The following CEP57 variants were observed in gnomAD, a reference collection of about 807,000 sequenced individuals.
CEP57 encodes centrosomal protein of 57 kDa.
A neutral mutation model predicts 68.0 loss-of-function variants in CEP57; 40 were observed. That is an observed-to-expected ratio of 0.59 (90% CI 0.46 to 0.77). The LOEUF (loss-of-function observed/expected upper bound fraction) is 0.77. CEP57 is among the 30% of genes least tolerant of loss of function. The pLI, the probability that CEP57 is intolerant of heterozygous loss-of-function variation, is 0.00. For missense variants in CEP57, 606 were observed against 580.7 expected (o/e 1.04, Z -0.45); for synonymous variants, 219 against 198.7 (o/e 1.10, Z -0.86).
chr11:95,822,643 C>A, intron 8 of CEP57, 67 bp downstream of exon 8: 1 of 1,079,654 alleles, frequency 9.3e-7, no homozygotes, highest in South Asian at 1.2e-5. Flanking sequence ...CCTGCATCTG[C>A]AAGTATGTCT....
chr11:95,807,508 G>A (rs552000720), intron 2 of CEP57, among the ~76,000 whole-genome samples: 4 of 152,232 alleles, frequency 2.6e-5, no homozygotes, highest in African/African-American at 7.2e-5. Flanking sequence ...AATAAACAGC[G>A]TAGAGAAGAC....
At chr11:95,830,706 C>T (rs1862963306) in intron 10 of CEP57, among the ~76,000 whole-genome samples, 2 of 152,010 alleles carry the variant, frequency 1.3e-5, no homozygotes, top group Non-Finnish European at 2.9e-5. Flanking sequence ...TCCTTCAACT[C>T]CCCTTGTTTC....
At chr11:95,815,330 G>T (rs1369307570) in intron 4 of CEP57, 1 of 152,106 alleles carries the variant, frequency 6.6e-6, no homozygotes, top group Non-Finnish European at 1.5e-5. Flanking sequence ...TTTCATTTGG[G>T]TCTTTTTCCA....
chr11:95,818,803 C>G, intron 5 of CEP57, 24 bp from the exon 6 acceptor site: 1 of 1,584,056 alleles, frequency 6.3e-7, no homozygotes, highest in Non-Finnish European at 8.7e-7. Context: ...TCACCTTTAT[C>G]CCTTTTGACA....
Position 95,813,027 on chromosome 11 carries a change from G to C in CEP57, c.298G>C (p.Glu100Gln), listed in dbSNP as rs1380276335. The C allele has an allele frequency of 1.9e-6, 3 of 1,613,786 alleles. No individual in the cohort carries two copies. In the African/African-American group the frequency reaches 4.0e-5, roughly 22 times the overall value. The change falls in exon 3 of 11, where the codon GAA becomes CAA. Residue 100 changes from glutamate (E) to glutamine (Q), a missense_variant. Transcript: ENST00000325542. The part of the protein sequence containing the change: ...AEESVKTLSR[E>Q]TIEYKKVLDE... ...AGAAAGTGTGAAAACCTTGTCTAGA[G>C]AAACAATTGAATATAAGAAAGTACT...
At chr11:95,807,507 C>T (rs60613987) in intron 2 of CEP57, among the ~76,000 whole-genome samples, 9,926 of 152,132 alleles carry the variant, frequency 0.065, 411 homozygotes, top group Middle Eastern at 0.13. Context: ...GAATAAACAG[C>T]GTAGAGAAGA....
In CEP57 at chr11:95,827,834, C is replaced by G; in HGVS notation, c.934C>G (p.His312Asp). 6.2e-7 allele frequency: 1 copy of G among 1,614,102 alleles called. No homozygotes were observed. Among genetic ancestry groups the G allele is most frequent in the Non-Finnish European group, 8.5e-7 (1 of 1,179,998 alleles). The change falls in exon 9 of 11, where the codon CAT (histidine) becomes GAT (aspartate). Residue 312 changes from histidine to aspartate, a missense_variant. Transcript: ENST00000325542. ...GGTAGCCAATGTTCAGCTTGTCTTG[C>G]ATCTAATGAAGCAACACAGTAAAGC... ...AVVANVQLVL[H>D]LMKQHSKALC...
chr11:95,811,710 CA>C (rs1367354281), intron 2 of CEP57, among the ~76,000 whole-genome samples: 1 of 151,338 alleles, frequency 6.6e-6, no homozygotes, highest in Non-Finnish European at 1.5e-5. Context: ...GAAAAATGGG[CA>C]AAGGAAATTC....
At chr11:95,807,105 C>T (rs757479205) in intron 2 of CEP57, among the ~76,000 whole-genome samples, 4 of 152,148 alleles carry the variant, frequency 2.6e-5, no homozygotes, top group South Asian at 2.1e-4. Flanking sequence ...CCCAGGCAAA[C>T]GGTCTGGAAT....
chr11:95,800,028 G>A lies in CEP57; in HGVS notation c.202+640G>A, dbSNP rs145117962. On this transcript the variant is annotated intron_variant, in intron 2 of 10. Transcript: ENST00000325542. ...TTCCTGGAACCTGCCATCTGTATTA[G>A]TTTTCTTGTCGCCTTAACAAATTGC... Among the ~76,000 whole-genome samples the A allele has an allele frequency of 2.1e-3, 321 of 152,216 alleles. 4 individuals are homozygous for A. Among genetic ancestry groups the A allele is most frequent in the African/African-American group, 7.2e-3 (299 of 41,542 alleles).
intron 2 of CEP57, among the ~76,000 whole-genome samples, chr11:95,800,823 G>T (rs1280652403): frequency 6.6e-6 from 1 of 152,188 alleles, no homozygotes; most frequent in East Asian, 1.9e-4. Context: ...TATTGAATTT[G>T]TTAATCGTCT....
At chr11:95,800,970 T>C (rs1395057649) in intron 2 of CEP57, among the ~76,000 whole-genome samples, 1 of 152,216 alleles carries the variant, frequency 6.6e-6, no homozygotes, top group Non-Finnish European at 1.5e-5. Context: ...ATCACTAATA[T>C]TGCAACAATT....
chr11:95,827,721 G>C, intron 8 of CEP57, 65 bp from the exon 9 acceptor site: 1 of 1,598,004 alleles, frequency 6.3e-7, no homozygotes. Flanking sequence ...CCTAGGCTTA[G>C]GGAATAGAAA....
chr11:95,794,092 A>G (rs1591041994), intron 1 of CEP57: 1 of 333,858 alleles, frequency 3.0e-6, no homozygotes, highest in Non-Finnish European at 6.0e-6. Flanking sequence ...AGCAAACATT[A>G]AAGAGATCTG....
chr11:95,818,726 T>C, intron 5 of CEP57, 101 bp from the exon 6 acceptor site: 1 of 882,780 alleles, frequency 1.1e-6, no homozygotes, highest in Non-Finnish European at 1.9e-6. Flanking sequence ...CCACCTTATA[T>C]TGAGTAGGAT....
At chr11:95,828,426 C>T (rs975707102) in intron 9 of CEP57, among the ~76,000 whole-genome samples, 16 of 152,168 alleles carry the variant, frequency 1.1e-4, no homozygotes, top group African/African-American at 3.9e-4. Flanking sequence ...TGTTACTCTA[C>T]TACTAAATAC....
rs71040119 is a variant in CEP57, at chr11:95,824,073, T to TAA, written c.885+1519_885+1520dup. ...AATGAATCCAGCTGAAGGCCTATTG[T>TAA]AAAAAAAAAAAAAAAAAAAAAAATG... On this transcript the variant is annotated intron_variant, in intron 8 of 10. Transcript: ENST00000325542. Among the ~76,000 whole-genome samples the TAA allele has an allele frequency of 8.9e-4, 100 of 112,648 alleles. 1 individual carries two copies. The highest frequency in any genetic ancestry group is 2.5e-3 in the African/African-American group (74 of 29,200). The allele number at this position is 112,648 out of a possible 152,430, so 73.9% of individuals were successfully genotyped here.
At chr11:95,804,781 TCA>T (rs1467192909) in intron 2 of CEP57, among the ~76,000 whole-genome samples, 1 of 152,228 alleles carries the variant, frequency 6.6e-6, no homozygotes, top group African/African-American at 2.4e-5. Context: ...AAGGTCAATC[TCA>T]CATATAAAAG....
At chr11:95,829,848 C>T (rs1862926098) in intron 10 of CEP57, among the ~76,000 whole-genome samples, 1 of 152,006 alleles carries the variant, frequency 6.6e-6, no homozygotes, top group East Asian at 1.9e-4. Context: ...GGGATCAAGG[C>T]AGAGAGGCTG....
Sources: gnomAD v4.1 joint callset for allele counts (sites outside exome capture counted in the v4.1 genomes callset) on GRCh38, gnomAD v4.1.1 for gene constraint, MANE v1.5 for transcripts, NCBI Gene and HGNC (gene_info 2026-07-23, HGNC 2026-07-21) for gene names.